The following ADGRV1 variants were observed in gnomAD, a reference collection of about 807,000 sequenced individuals.
ADGRV1 encodes adhesion G protein-coupled receptor V1, also known as G-protein coupled receptor 98.
A neutral mutation model predicts 596.2 loss-of-function variants in ADGRV1; 359 were observed. The ratio of observed to expected loss-of-function variants is 0.60; its 90% CI spans 0.55 to 0.66. The LOEUF (loss-of-function observed/expected upper bound fraction) is 0.66. Ranked by LOEUF, ADGRV1 falls within the 30% of genes least tolerant of loss-of-function variation. The pLI, the probability that ADGRV1 is intolerant of heterozygous loss-of-function variation, is 0.00. For missense variants in ADGRV1, 7,274 were observed against 7,575.6 expected, an observed-to-expected ratio of 0.96 and a Z score of 1.48; for synonymous variants, 2,681 against 2,679.2, an observed-to-expected ratio of 1.00 and a Z score of -0.02.
intron 83 of ADGRV1, among the ~76,000 whole-genome samples, chr5:90,895,220 G>A (rs183076022): frequency 6.6e-6 from 1 of 152,092 alleles, no homozygotes; most frequent in Non-Finnish European, 1.5e-5. Flanking sequence ...CATGTTCACA[G>A]TGGTAAACAA....
intron 83 of ADGRV1, among the ~76,000 whole-genome samples, chr5:90,905,400 C>T (rs1772225390): frequency 6.6e-6 from 1 of 151,934 alleles, no homozygotes; most frequent in Non-Finnish European, 1.5e-5. Context: ...GTACCCCCTT[C>T]CATTTTTTCA....
intron 50 of ADGRV1, among the ~76,000 whole-genome samples, chr5:90,744,516 C>A (rs1754383497): frequency 1.3e-5 from 2 of 151,772 alleles, no homozygotes; most frequent in South Asian, 4.2e-4. Flanking sequence ...TTTGATCAAC[C>A]ATATATATTA....
At chr5:90,725,331 T>C (rs1751624696) in intron 47 of ADGRV1, 99 bp downstream of exon 47, 1 of 858,592 alleles carries the variant, frequency 1.2e-6, no homozygotes, top group African/African-American at 1.8e-5. Flanking sequence ...TTTATGTTAA[T>C]GTGAAAAAGG....
chr5:90,561,031 A>T (rs1754756583), intron 1 of ADGRV1, among the ~76,000 whole-genome samples: 1 of 152,192 alleles, frequency 6.6e-6, no homozygotes, highest in Non-Finnish European at 1.5e-5. Context: ...GATGAATCAT[A>T]ATAGTATGTC....
chr5:91,045,525 C>A (rs1785726112), intron 85 of ADGRV1, among the ~76,000 whole-genome samples: 1 of 152,064 alleles, frequency 6.6e-6, no homozygotes, highest in African/African-American at 2.4e-5. Flanking sequence ...AATTGGCATA[C>A]AAGGGACATA....
At chr5:90,894,372 C>T (rs1354625684) in intron 83 of ADGRV1, among the ~76,000 whole-genome samples, 1 of 152,140 alleles carries the variant, frequency 6.6e-6, no homozygotes, top group East Asian at 1.9e-4. Flanking sequence ...ATTAGGATTA[C>T]CTGCAGAATT....
intron 50 of ADGRV1, among the ~76,000 whole-genome samples, chr5:90,742,180 T>A (rs937687076): frequency 6.6e-6 from 1 of 152,192 alleles, no homozygotes; most frequent in African/African-American, 2.4e-5. Context: ...AAGAGAGATA[T>A]TATGTATAAT....
intron 21 of ADGRV1, among the ~76,000 whole-genome samples, chr5:90,666,436 C>T (rs1771399429): frequency 6.6e-6 from 1 of 152,000 alleles, no homozygotes; most frequent in African/African-American, 2.4e-5. Flanking sequence ...AGGATTGCAA[C>T]ACCTGCCTTT....
chr5:90,789,012 A>G (rs1759788410), intron 68 of ADGRV1, among the ~76,000 whole-genome samples: 1 of 152,172 alleles, frequency 6.6e-6, no homozygotes, highest in Non-Finnish European at 1.5e-5. Context: ...AACTCAGGAA[A>G]GAGTTGAAGT....
chr5:90,622,564 C>T (rs1417039986), intron 4 of ADGRV1, 33 bp from the exon 5 acceptor site: 3 of 1,070,950 alleles, frequency 2.8e-6, no homozygotes, highest in Non-Finnish European at 3.8e-6. Flanking sequence ...GATTGCTCAG[C>T]TCCTGATCAT....
At chr5:90,593,974 A>G (rs1759891108) in intron 1 of ADGRV1, among the ~76,000 whole-genome samples, 1 of 152,182 alleles carries the variant, frequency 6.6e-6, no homozygotes, top group African/African-American at 2.4e-5. Flanking sequence ...TACATCTGCA[A>G]AAACATTACT....
chr5:90,753,461 A>T (rs1755486894), intron 53 of ADGRV1, 113 bp from the exon 54 acceptor site: 1 of 693,126 alleles, frequency 1.4e-6, no homozygotes, highest in African/African-American at 1.8e-5. Context: ...TTGCTTAAAT[A>T]TCTCTTGCTA....
In ADGRV1 at chr5:90,644,227, C is replaced by CA. The variant is rs1337655879; in HGVS notation, c.2734+247dup. Among the ~76,000 whole-genome samples, 9 of 152,228 alleles carry CA rather than the reference C, an allele frequency of 5.9e-5. 1 individual carries two copies. The South Asian group carries it at 1.7e-3, about 28-fold the overall frequency. ...CCATTTAAGCATATGCAGTGCAACT[C>CA]AAACACTCAAGAATGAGTCCATCCA... On this transcript the variant is annotated intron_variant, in intron 14 of 89. Coordinates refer to ENST00000405460, the MANE Select transcript of ADGRV1 (RefSeq NM_032119.4).
intron 4 of ADGRV1, 35 bp downstream of exon 4, chr5:90,619,216 A>G: frequency 2.1e-6 from 2 of 943,936 alleles, no homozygotes; most frequent in Non-Finnish European, 3.1e-6. Flanking sequence ...TGTGGTTGCT[A>G]GATAATAGTT....
At chr5:90,601,586 A>C (rs565643113) in intron 1 of ADGRV1, among the ~76,000 whole-genome samples, 1 of 152,370 alleles carries the variant, frequency 6.6e-6, no homozygotes, top group Non-Finnish European at 1.5e-5. Context: ...CAAAATAACC[A>C]AATAAAGTCA....
chr5:90,571,127 T>C (rs1353881994), intron 1 of ADGRV1, among the ~76,000 whole-genome samples: 1 of 152,166 alleles, frequency 6.6e-6, no homozygotes, highest in African/African-American at 2.4e-5. Context: ...TTAAAGTATG[T>C]ACTCTTTGTT....
chr5:90,592,577 C>A (rs1200609481), intron 1 of ADGRV1, among the ~76,000 whole-genome samples: 1 of 152,104 alleles, frequency 6.6e-6, no homozygotes, highest in Non-Finnish European at 1.5e-5. Context: ...TTTGCCCATG[C>A]CTGTGTCCTG....
In ADGRV1 at chr5:90,721,056, A is replaced by T; in HGVS notation, c.9745A>T (p.Met3249Leu). ...GACAGTATCTGAAACAGCCTTTGGC[A>T]TGAGTATGTTTCATTTCTTATGAGA... ...WETVSETAFG[M>L]RGMDVVFSVF... The change falls in exon 45 of 90, where the codon ATG becomes TTG. Residue 3249 changes from methionine to leucine, a missense_variant. Around this residue, in one of 5 missense-constraint regions of ADGRV1, gnomAD observed 3,643 missense variants for 3,809.2 expected, o/e 0.96. Transcript: ENST00000405460. 6.2e-7 allele frequency: 1 copy of T among 1,610,662 alleles called. No individual in the cohort carries two copies.
At chr5:90,710,705 A>C (rs943083728) in intron 39 of ADGRV1, among the ~76,000 whole-genome samples, 2 of 152,328 alleles carry the variant, frequency 1.3e-5, no homozygotes, top group South Asian at 4.1e-4. Flanking sequence ...TAATTAAAAT[A>C]ATAGAAACAA....
Sources: gnomAD v4.1 joint callset for allele counts (sites outside exome capture counted in the v4.1 genomes callset) on GRCh38, gnomAD v4.1.1 for gene constraint, gnomAD v4.1.1 regional missense constraint, MANE v1.5 for transcripts, NCBI Gene and HGNC (gene_info 2026-07-23, HGNC 2026-07-21) for gene names.